TMEM50B: variants seen among roughly 807,000 people sequenced by gnomAD.
TMEM50B encodes HCV p7-trans-regulated protein 3.
Under a neutral mutation model 23.4 loss-of-function variants are expected in TMEM50B, and 14 were observed. That is an observed-to-expected ratio of 0.60 (90% CI 0.39 to 0.93). The LOEUF (loss-of-function observed/expected upper bound fraction) is 0.93, where lower values mean the gene tolerates loss of function less well. TMEM50B is among the 40% of genes least tolerant of loss of function. TMEM50B has a pLI of 0.00. For synonymous variants in TMEM50B, 64 were observed against 62.3 expected (o/e 1.03, Z -0.13); for missense variants, 159 against 193.0 (o/e 0.82, Z 1.04).
At position 33,450,626 on chromosome 21, in the gene TMEM50B, T is replaced by C. The variant is rs2834219; in HGVS notation, c.*192A>G. 41,327 of 512,968 alleles carry C rather than the reference T, an allele frequency of 0.081. 2,078 individuals carry two copies. Among genetic ancestry groups the C allele is most frequent in the Middle Eastern group, 0.15 (412 of 2,690 alleles). The allele number at this position is 512,968 out of a possible 1,614,324, so 31.8% of individuals were successfully genotyped here. A position where few individuals can be genotyped will look rare whatever the true frequency, so the allele number is the denominator to read the frequency against. On this transcript the variant is annotated 3_prime_UTR_variant, in exon 7 of 7. Transcript: ENST00000542230. ...CCAATTCATATAGTCTTGTATTATA[T>C]ACATATTAACAGTCTATGCAATGAA...
chr21:33,465,477 A>G, intron 3 of TMEM50B, 68 bp from the exon 4 acceptor site: 2 of 1,203,294 alleles, frequency 1.7e-6, no homozygotes, highest in Non-Finnish European at 2.4e-6. Context: ...TATTTATATA[A>G]CACTTAGACG....
chr21:33,462,259 T>C (rs760315779), intron 4 of TMEM50B, among the ~76,000 whole-genome samples: 22 of 152,174 alleles, frequency 1.4e-4, no homozygotes, highest in Non-Finnish European at 1.6e-4. Context: ...AGAGTAGCAA[T>C]ACCTGGGCAT....
In TMEM50B at chr21:33,477,893, T is replaced by G. The variant is rs538972031; in HGVS notation, c.-42+1945A>C. ...GCTCACGCCTGTAATCCCAGCACTT[T>G]GGGAGGCTGAGGCAGGTGGATCACG... On this transcript the variant is annotated intron_variant, in intron 1 of 6. Coordinates refer to ENST00000542230, the MANE Select transcript of TMEM50B (RefSeq NM_006134.7). Among the ~76,000 whole-genome samples the G allele has an allele frequency of 4.8e-4, 73 of 151,998 alleles. No individual in the cohort carries two copies. In the South Asian group the frequency reaches 0.015, roughly 31 times the overall value.
downstream of TMEM50B, chr21:33,446,980 T>C (rs1376573020): frequency 6.6e-6 from 1 of 151,878 alleles, no homozygotes; most frequent in Non-Finnish European, 1.5e-5. Context: ...ATGTCTCTAC[T>C]AAAAATACAA....
At position 33,434,703 on chromosome 21, in the gene TMEM50B, G is replaced by A. The variant is rs147132128; in HGVS notation, c.*2121-1901C>T. Among the ~76,000 whole-genome samples, 519 of 152,234 alleles carry A rather than the reference G, an allele frequency of 3.4e-3. 3 individuals carry two copies. Among genetic ancestry groups the A allele is most frequent in the Non-Finnish European group, 4.6e-3 (313 of 68,018 alleles). On this transcript the variant is annotated intron_variant and NMD_transcript_variant, in intron 8 of 8. Coordinates refer to the TMEM50B transcript ENST00000420455. ...CTTTCAGAAAGAACCCTAGTCACTT[G>A]TTCCTTCATCTGCCATGATGTATTG...
In TMEM50B at chr21:33,450,686, C is replaced by T. The variant is rs2084111391; in HGVS notation, c.*132G>A. The T allele has an allele frequency of 3.0e-6, 2 of 656,846 alleles. No individual in the cohort carries two copies. Among genetic ancestry groups the T allele is most frequent in the South Asian group, 5.2e-5 (2 of 38,168 alleles). The allele number at this position is 656,846 out of a possible 1,614,324, so 40.7% of individuals were successfully genotyped here. On this transcript the variant is annotated 3_prime_UTR_variant, in exon 7 of 7. Transcript: ENST00000542230. ...AATTTCATAAAACTATTTCAAAACT[C>T]AGAACATAAAAATGTAAAGAAACAA...
chr21:33,446,635 TAC>T (rs67034992), downstream of TMEM50B, among the ~76,000 whole-genome samples: 38 of 57,580 alleles, frequency 6.6e-4, 4 homozygotes, highest in South Asian at 2.4e-3. Flanking sequence ...AGACATACAA[TAC>T]ACACACACAC....
intron 5 of TMEM50B, among the ~76,000 whole-genome samples, chr21:33,457,301 A>T (rs1243833494): frequency 6.6e-6 from 1 of 152,164 alleles, no homozygotes; most frequent in Non-Finnish European, 1.5e-5. Context: ...GTTGAAATAG[A>T]AAGATGAAAT....
At chr21:33,456,873 T>C (rs1459385823) in intron 5 of TMEM50B, among the ~76,000 whole-genome samples, 3 of 152,204 alleles carry the variant, frequency 2.0e-5, no homozygotes, top group Non-Finnish European at 4.4e-5. Context: ...TGAATATTAA[T>C]AGTTCAAGCA....
Position 33,467,153 on chromosome 21 carries a change from T to TA in TMEM50B, c.100-32dup, listed in dbSNP as rs749301422. The TA allele has an allele frequency of 9.0e-6, 14 of 1,557,542 alleles. No individual in the cohort carries two copies. The East Asian group carries it at 2.9e-4, about 32-fold the overall frequency. On this transcript the variant is annotated intron_variant, in intron 2 of 6. Coordinates refer to ENST00000542230, the MANE Select transcript of TMEM50B (RefSeq NM_006134.7). ...AACACAGCCCAAGTCACTGAAACAT[T>TA]AAAACTCTTGCTAGCACAATACCTG...
downstream of TMEM50B, among the ~76,000 whole-genome samples, chr21:33,448,055 C>T (rs2084081648): frequency 6.6e-6 from 1 of 152,158 alleles, no homozygotes; most frequent in South Asian, 2.1e-4. Context: ...TGCAGTTGCA[C>T]GATCTTGGCT....
intron 7 of TMEM50B, among the ~76,000 whole-genome samples, chr21:33,441,963 A>G (rs540812027): frequency 7.0e-4 from 106 of 152,170 alleles, no homozygotes; most frequent in African/African-American, 2.4e-3. Flanking sequence ...GCATTTTTGC[A>G]TGAGAATCCT....
chr21:33,471,207 T>A (rs901838661), intron 1 of TMEM50B, among the ~76,000 whole-genome samples: 6 of 152,072 alleles, frequency 3.9e-5, no homozygotes, highest in African/African-American at 1.4e-4. Context: ...TGGGGACATA[T>A]CCTAACAAAA....
At position 33,450,685 on chromosome 21, in the gene TMEM50B, T is replaced by C; in HGVS notation, c.*133A>G. The C allele has an allele frequency of 1.5e-6, 1 of 656,970 alleles. No homozygotes were observed. 40.7% of individuals were successfully genotyped at this position (656,970 alleles called of 1,614,324 possible). On this transcript the variant is annotated 3_prime_UTR_variant, in exon 7 of 7. Coordinates refer to ENST00000542230, the MANE Select transcript of TMEM50B (RefSeq NM_006134.7). ...AAATTTCATAAAACTATTTCAAAAC[T>C]CAGAACATAAAAATGTAAAGAAACA...
rs145628192 is a variant in TMEM50B, at chr21:33,469,879, T to C, written c.-41-953A>G. 2.6e-5 allele frequency among the ~76,000 whole-genome samples: 4 copies of C among 152,284 alleles called. No homozygotes were observed. The East Asian group carries it at 7.7e-4, about 29-fold the overall frequency. On this transcript the variant is annotated intron_variant, in intron 1 of 6. Transcript: ENST00000542230. The stretch of plus-strand genomic sequence containing the variant: ...GAGCAGAGATACATCATCCTGGCTA[T>C]GCCCCTTCCAAATTCCTGACCCATA...
chr21:33,471,183 A>G (rs1362282198), intron 1 of TMEM50B, among the ~76,000 whole-genome samples: 3 of 152,198 alleles, frequency 2.0e-5, no homozygotes, highest in Non-Finnish European at 4.4e-5. Flanking sequence ...GTCAGGGAGG[A>G]TCAGTAAACA....
At chr21:33,454,713 TA>T (rs1268712158) in intron 6 of TMEM50B, among the ~76,000 whole-genome samples, 6 of 152,062 alleles carry the variant, frequency 3.9e-5, no homozygotes, top group Non-Finnish European at 8.8e-5. Context: ...ATGGGTCTGA[TA>T]GGGTTTTTTA....
intron 1 of TMEM50B, among the ~76,000 whole-genome samples, chr21:33,476,773 A>AAC (rs1555885960): frequency 1.1e-4 from 17 of 151,722 alleles, no homozygotes; most frequent in Non-Finnish European, 2.5e-4. Flanking sequence ...AAAAAAAAAA[A>AAC]AAAAAACAAC....
chr21:33,436,063 A>G (rs1463692426), intron 8 of TMEM50B, among the ~76,000 whole-genome samples: 4 of 151,906 alleles, frequency 2.6e-5, no homozygotes, highest in Non-Finnish European at 5.9e-5. Context: ...ACTCAACAAC[A>G]ATAAAAAATT....
Sources: gnomAD v4.1 joint callset for allele counts (sites outside exome capture counted in the v4.1 genomes callset) on GRCh38, gnomAD v4.1.1 for gene constraint, MANE v1.5 for transcripts, NCBI Gene and HGNC (gene_info 2026-07-23, HGNC 2026-07-21) for gene names.